The following DNAH9 variants were observed in gnomAD, a reference collection of about 807,000 sequenced individuals.
DNAH9 encodes dynein axonemal heavy chain 9, also known as DNAH9 variant protein.
In DNAH9, 345 loss-of-function variants were observed where a neutral mutation model predicts 471.6. The ratio of observed to expected loss-of-function variants is 0.73; its 90% confidence interval spans 0.67 to 0.80. The LOEUF is 0.80. Ranked by LOEUF, DNAH9 falls within the 30% of genes least tolerant of loss-of-function variation. The probability of loss-of-function intolerance (pLI) is 0.00; values close to 1 mark genes in which losing one functional copy is unlikely to be tolerated. For missense variants in DNAH9, 5,407 were observed against 5,609.2 expected (o/e 0.96, Z 1.15); for synonymous variants, 2,093 against 2,123.6 (o/e 0.99, Z 0.40).
intron 57 of DNAH9, 139 bp downstream of exon 57, chr17:11,887,104 G>A: frequency 8.6e-7 from 1 of 1,165,342 alleles, no homozygotes; most frequent in Non-Finnish European, 1.2e-6. Flanking sequence ...GAGGAGCTAT[G>A]TTACCTTCAG....
Position 11,768,636 on chromosome 17 carries a change from G to C in DNAH9, c.7344+10G>C, listed in dbSNP as rs1968069330. 6.2e-7 allele frequency: 1 copy of C among 1,612,728 alleles called. No homozygotes were observed. ...CGAGATGCCCTTGCAGGTGAGTGCAGCTGAGCAGCCGAGGACGTGCGTGCA... is the reference window on the plus strand; with the variant it reads ...CGAGATGCCCTTGCAGGTGAGTGCACCTGAGCAGCCGAGGACGTGCGTGCA... On this transcript the variant is annotated intron_variant, in intron 37 of 68. Coordinates refer to ENST00000262442, the MANE Select transcript of DNAH9 (RefSeq NM_001372.4).
chr17:11,928,651 C>T (rs1307213256), intron 62 of DNAH9, among the ~76,000 whole-genome samples: 1 of 152,158 alleles, frequency 6.6e-6, no homozygotes, highest in Non-Finnish European at 1.5e-5. Flanking sequence ...GACAGAGGAG[C>T]TTGGGATTAG....
chr17:11,664,270 G>GGGGAGA (rs1408667193), intron 14 of DNAH9, among the ~76,000 whole-genome samples: 86 of 152,016 alleles, frequency 5.7e-4, no homozygotes, highest in African/African-American at 1.9e-3. Flanking sequence ...GGAGGAAGGA[G>GGGGAGA]GGGAGAGAGA....
At chr17:11,758,071 G>C (rs1967479131) in intron 35 of DNAH9, among the ~76,000 whole-genome samples, 2 of 152,218 alleles carry the variant, frequency 1.3e-5, no homozygotes, top group African/African-American at 4.8e-5. Context: ...AACAGACCTA[G>C]GGGTGAAAAT....
At chr17:11,788,363 T>G (rs1379073755) in intron 41 of DNAH9, among the ~76,000 whole-genome samples, 1 of 152,152 alleles carries the variant, frequency 6.6e-6, no homozygotes, top group Non-Finnish European at 1.5e-5. Context: ...AAGTGTAACA[T>G]ACAAGTAGAA....
At chr17:11,646,956 C>T in intron 11 of DNAH9, 116 bp from the exon 12 acceptor site, 6 of 1,025,068 alleles carry the variant, frequency 5.9e-6, no homozygotes, top group African/African-American at 1.6e-5. Context: ...AGAAGCTGAC[C>T]CAGCCTGGTT....
intron 68 of DNAH9, among the ~76,000 whole-genome samples, chr17:11,964,229 T>C (rs1192084656): frequency 6.6e-6 from 1 of 152,136 alleles, no homozygotes; most frequent in African/African-American, 2.4e-5. Context: ...CAAGATTCTG[T>C]CAGTGGAGAT....
At chr17:11,832,564 C>T (rs1463693782) in intron 48 of DNAH9, among the ~76,000 whole-genome samples, 1 of 152,200 alleles carries the variant, frequency 6.6e-6, no homozygotes, top group African/African-American at 2.4e-5. Flanking sequence ...GAGCAGGCCT[C>T]CGTTTGAGGT....
rs1261890684 is a variant in DNAH9 at position 11,871,826 on chromosome 17, T to G, written c.10242+40T>G. ...AATTTCTCCCGACCACATCAGCCTC[T>G]GGGCACCAATGGGAAGACATCACGG... On this transcript the variant is annotated intron_variant, in intron 52 of 68. Transcript: ENST00000262442. 2.5e-6 allele frequency: 4 copies of G among 1,595,932 alleles called. 1 individual carries two copies. The South Asian group carries it at 3.3e-5, about 13-fold the overall frequency.
intron 5 of DNAH9, among the ~76,000 whole-genome samples, chr17:11,618,683 G>A (rs1022684012): frequency 6.6e-5 from 10 of 151,814 alleles, no homozygotes; most frequent in Non-Finnish European, 4.4e-5. Flanking sequence ...AGAAAATAAC[G>A]AACAAGCTTA....
Position 11,969,343 on chromosome 17 carries a change from CT to C in DNAH9, c.13278del (p.Met4427CysfsTer3), listed in dbSNP as rs751685562. 6 of 1,614,034 alleles carry C rather than the reference CT, an allele frequency of 3.7e-6. No individual in the cohort carries two copies. The highest frequency in any genetic ancestry group is 8.5e-7 in the Non-Finnish European group (1 of 1,179,982). ...TEAKLKDLTP[P>X]MPVMFIKAIP... is the part of the protein sequence containing the mutation. ...GCAAAGCTGAAGGATCTGACACCCC[CT>C]ATGCCTGTGATGTTCATCAAGGCCA... is the stretch of plus-strand genomic sequence containing the variant. On this transcript the variant is annotated frameshift_variant, in exon 69 of 69. Coordinates refer to ENST00000262442, the MANE Select transcript of DNAH9 (RefSeq NM_001372.4). LOFTEE classifies it high-confidence loss of function.
chr17:11,939,333 A>G (rs1398543158), intron 66 of DNAH9, among the ~76,000 whole-genome samples: 4 of 152,240 alleles, frequency 2.6e-5, no homozygotes, highest in Non-Finnish European at 5.9e-5. Flanking sequence ...AGAATTCTTC[A>G]GTCAAGGTTC....
At position 11,690,041 on chromosome 17, in the gene DNAH9, C is replaced by T. The variant is rs777368657; in HGVS notation, c.4219C>T (p.His1407Tyr). 2.5e-6 allele frequency: 4 copies of T among 1,614,182 alleles called. No homozygotes were observed. The East Asian group carries it at 8.9e-5, about 36-fold the overall frequency. ...FTMDQDTTLAHLLQLQLHHYE... is the reference protein window; with the variant it reads ...FTMDQDTTLAYLLQLQLHHYE... The stretch of plus-strand genomic sequence containing the variant: ...TATGGACCAGGACACCACCCTAGCG[C>T]ACCTGCTGCAGCTCCAGCTGCACCA... The change falls in exon 20 of 69, where the codon CAC becomes TAC. Residue 1407 changes from histidine to tyrosine, a missense_variant. Physicochemically the swap from His to Tyr is moderately conservative, Grantham distance 83. This residue lies in a region of DNAH9 where 4,636 missense variants were observed against 4,900.3 expected (regional missense o/e 0.95). Coordinates refer to ENST00000262442, the MANE Select transcript of DNAH9 (RefSeq NM_001372.4).
chr17:11,757,137 T>C (rs1967429700), intron 34 of DNAH9, among the ~76,000 whole-genome samples: 1 of 152,082 alleles, frequency 6.6e-6, no homozygotes, highest in South Asian at 2.1e-4. Context: ...TGTTGGTCAA[T>C]GGGTACAAAA....
chr17:11,618,887 C>T (rs913998867), intron 5 of DNAH9, among the ~76,000 whole-genome samples: 6 of 152,166 alleles, frequency 3.9e-5, no homozygotes, highest in Non-Finnish European at 2.9e-5. Context: ...AGGACCCCAA[C>T]CCAGGCTGTT....
At chr17:11,667,471 C>T (rs1412213271) in intron 15 of DNAH9, among the ~76,000 whole-genome samples, 1 of 152,104 alleles carries the variant, frequency 6.6e-6, no homozygotes, top group Non-Finnish European at 1.5e-5. Flanking sequence ...ATTTGTCATC[C>T]CTCCAGTTCT....
chr17:11,821,693 C>T (rs1970315663), intron 45 of DNAH9, among the ~76,000 whole-genome samples: 1 of 152,176 alleles, frequency 6.6e-6, no homozygotes, highest in African/African-American at 2.4e-5. Flanking sequence ...CAACTGTCTA[C>T]CCCAGGACAA....
intron 41 of DNAH9, among the ~76,000 whole-genome samples, 159 bp from the exon 42 acceptor site, chr17:11,793,344 T>C (rs1713160583): frequency 6.6e-6 from 1 of 152,170 alleles, no homozygotes; most frequent in African/African-American, 2.4e-5. Context: ...ACAAGCTCCC[T>C]TTCAGCTTCT....
At chr17:11,765,914 C>T (rs373281979) in intron 36 of DNAH9, among the ~76,000 whole-genome samples, 7 of 152,178 alleles carry the variant, frequency 4.6e-5, no homozygotes, top group South Asian at 2.1e-4. Flanking sequence ...ATTGGTGGTG[C>T]GCAGGCAGTG....
Sources: gnomAD v4.1 joint callset for allele counts (sites outside exome capture counted in the v4.1 genomes callset) on GRCh38, gnomAD v4.1.1 for gene constraint, gnomAD v4.1.1 regional missense constraint, MANE v1.5 for transcripts, NCBI Gene and HGNC (gene_info 2026-07-23, HGNC 2026-07-21) for gene names.